IGF1R: variants seen among roughly 807,000 people sequenced by gnomAD.
IGF1R encodes insulin like growth factor 1 receptor, also known as insulin-like growth factor 1 receptor.
Under a neutral mutation model 144.6 loss-of-function variants are expected in IGF1R, and 44 were observed. The observed-to-expected ratio is 0.30, with a 90% CI of 0.24 to 0.39. The LOEUF (loss-of-function observed/expected upper bound fraction) is 0.39, where lower values mean the gene tolerates loss of function less well. IGF1R is among the 10% of genes least tolerant of loss of function. The probability of loss-of-function intolerance (pLI) is 1.00; values close to 1 mark genes in which losing one functional copy is unlikely to be tolerated. For synonymous variants in IGF1R, 795 were observed against 722.8 expected (o/e 1.10, Z -1.60); for missense variants, 1,355 against 1,833.7 (o/e 0.74, Z 4.77).
intron 2 of IGF1R, among the ~76,000 whole-genome samples, chr15:98,889,841 G>T (rs1048083415): frequency 6.6e-6 from 1 of 152,080 alleles, no homozygotes; most frequent in African/African-American, 2.4e-5. Flanking sequence ...ACTCAATATT[G>T]CATGTCAGAG....
At position 98,899,549 on chromosome 15, in the gene IGF1R, A is replaced by G. The variant is rs772903411; in HGVS notation, c.1175A>G (p.His392Arg). ...EVVTGYVKIRHSHALVSLSFL... is the reference protein window; with the variant it reads ...EVVTGYVKIRRSHALVSLSFL... ...GTGACGGGCTACGTGAAGATCCGCC[A>G]TTCTCATGCCTTGGTCTCCTTGTCC... is the stretch of plus-strand genomic sequence containing the variant. Residue 392 changes from histidine (H) to arginine (R), a missense_variant, in exon 5 of 21, where the codon CAT becomes CGT. His to Arg is a conservative substitution (Grantham distance 29). Transcript: ENST00000650285. 6.2e-7 allele frequency: 1 copy of G among 1,614,188 alleles called. No homozygotes were observed. Among genetic ancestry groups the G allele is most frequent in the Non-Finnish European group, 8.5e-7 (1 of 1,180,012 alleles).
chr15:98,649,664 C>T lies in IGF1R; in HGVS notation c.83C>T (p.Thr28Met). 2 of 1,610,062 alleles carry T rather than the reference C, an allele frequency of 1.2e-6. No individual in the cohort carries two copies. Among genetic ancestry groups the T allele is most frequent in the Non-Finnish European group, 1.7e-6 (2 of 1,178,230 alleles). ...FLSAALSLWPTSGEICGPGID... is the reference protein window; with the variant it reads ...FLSAALSLWPMSGEICGPGID... ...TCCGCCGCGCTCTCGCTCTGGCCGA[C>T]GAGTGGAGAAAGTGAGTATGTGCCC... Residue 28 changes from threonine to methionine, a missense_variant, in exon 1 of 21, where the codon ACG becomes ATG. Physicochemically the swap from Thr to Met is moderately conservative, Grantham distance 81. Transcript: ENST00000650285.
chr15:98,878,689 A>AAAAAAAC (rs2013198345), intron 2 of IGF1R, among the ~76,000 whole-genome samples: 1 of 140,066 alleles, frequency 7.1e-6, no homozygotes, highest in African/African-American at 3.0e-5. Context: ...AAAAAAAAAA[A>AAAAAAAC]AAAAAACAAC....
chr15:98,956,722 TA>T, intron 20 of IGF1R, among the ~76,000 whole-genome samples: 1 of 152,344 alleles, frequency 6.6e-6, no homozygotes, highest in South Asian at 2.1e-4. Flanking sequence ...GAAAACTGGT[TA>T]TTTTTGTTTC....
chr15:98,787,533 G>T (rs543289017), intron 2 of IGF1R, among the ~76,000 whole-genome samples: 78 of 152,174 alleles, frequency 5.1e-4, no homozygotes, highest in African/African-American at 1.8e-3. Context: ...AGAAATGTTG[G>T]ACCTTTGGGA....
chr15:98,954,786 C>A (rs967765045), intron 20 of IGF1R, among the ~76,000 whole-genome samples: 2 of 152,120 alleles, frequency 1.3e-5, no homozygotes, highest in Non-Finnish European at 2.9e-5. Context: ...ATTTTTTTAA[C>A]CCCAATCATT....
intron 1 of IGF1R, among the ~76,000 whole-genome samples, chr15:98,666,572 A>G (rs558548989): frequency 9.2e-5 from 14 of 152,386 alleles, no homozygotes; most frequent in Middle Eastern, 3.4e-3. Flanking sequence ...AGGAAATTCT[A>G]TGATGTGCTA....
At chr15:98,796,757 G>A (rs1269148684) in intron 2 of IGF1R, among the ~76,000 whole-genome samples, 3 of 152,190 alleles carry the variant, frequency 2.0e-5, no homozygotes, top group South Asian at 4.1e-4. Context: ...ACACGGACAC[G>A]AATATAAGCT....
Position 98,962,286 on chromosome 15 carries a change from G to A in IGF1R, c.*4844G>A, listed in dbSNP as rs952233854. 15 of 233,344 alleles carry A rather than the reference G, an allele frequency of 6.4e-5. No homozygotes were observed. The highest frequency in any genetic ancestry group is 1.2e-4 in the Non-Finnish European group (14 of 118,160). 14.5% of individuals were successfully genotyped at this position (233,344 alleles called of 1,614,324 possible). Reference sequence around the variant, plus strand: ...TGGTATGCCTTGGCCCATTCCAGCAGTCCCAGTTATGCATTTCAAGTTTGG... The same window carrying A: ...TGGTATGCCTTGGCCCATTCCAGCAATCCCAGTTATGCATTTCAAGTTTGG... On this transcript the variant is annotated 3_prime_UTR_variant, in exon 21 of 21. Coordinates refer to ENST00000650285, the MANE Select transcript of IGF1R (RefSeq NM_000875.5).
At position 98,935,211 on chromosome 15, in the gene IGF1R, T is replaced by A; in HGVS notation, c.3187-105T>A. The A allele has an allele frequency of 4.1e-6, 4 of 986,428 alleles. No individual in the cohort carries two copies. The highest frequency in any genetic ancestry group is 6.3e-6 in the Non-Finnish European group (4 of 632,260). The allele number at this position is 986,428 out of a possible 1,614,324, so 61.1% of individuals were successfully genotyped here. A position where few individuals can be genotyped will look rare whatever the true frequency, so the allele number is the denominator to read the frequency against. The stretch of plus-strand genomic sequence containing the variant: ...TACCTCACTGCTACCTTCAGACCCC[T>A]GTGCTCAGACCAGGCCGCAGCACCA... On this transcript the variant is annotated intron_variant, in intron 16 of 20. Transcript: ENST00000650285. This position sits in a 1 kb window ranked among gnomAD's most constrained non-coding sequence, Gnocchi z 4.2.
chr15:98,837,332 T>C (rs2011106507), intron 2 of IGF1R, among the ~76,000 whole-genome samples: 1 of 152,084 alleles, frequency 6.6e-6, no homozygotes, highest in Non-Finnish European at 1.5e-5. Flanking sequence ...TCCAACTCCC[T>C]GGTTCAAGCA....
chr15:98,649,415 C>G lies in IGF1R; in HGVS notation c.-167C>G. The G allele has an allele frequency of 2.4e-6, 1 of 423,398 alleles. No individual in the cohort carries two copies. The highest frequency in any genetic ancestry group is 4.0e-6 in the Non-Finnish European group (1 of 249,250). The allele number at this position is 423,398 out of a possible 1,614,324, so 26.2% of individuals were successfully genotyped here. On this transcript the variant is annotated 5_prime_UTR_variant, in exon 1 of 21. Transcript: ENST00000650285. ...GCCCCGTCCGCGCACCCGGAGGGCC[C>G]CGGCGGCGCCGCCTTCGGAGTATTG...
Position 98,957,694 on chromosome 15 carries a change from T to C in IGF1R, c.*252T>C. 1.7e-6 allele frequency: 1 copy of C among 576,504 alleles called. No homozygotes were observed. Among genetic ancestry groups the C allele is most frequent in the Non-Finnish European group, 3.1e-6 (1 of 322,536 alleles). 35.7% of individuals were successfully genotyped at this position (576,504 alleles called of 1,614,324 possible). On this transcript the variant is annotated 3_prime_UTR_variant, in exon 21 of 21. Coordinates refer to ENST00000650285, the MANE Select transcript of IGF1R (RefSeq NM_000875.5). Reference sequence around the variant, plus strand: ...TGACATGGGCCTTTAAGAACCTTAATGACAACACTTAATAGCAACAGAGCA... The same window carrying C: ...TGACATGGGCCTTTAAGAACCTTAACGACAACACTTAATAGCAACAGAGCA...
chr15:98,681,128 T>G (rs2053178787), intron 1 of IGF1R, among the ~76,000 whole-genome samples: 1 of 152,218 alleles, frequency 6.6e-6, no homozygotes. Context: ...TTTCTTAGAA[T>G]GCATCCCTGT....
intron 2 of IGF1R, among the ~76,000 whole-genome samples, chr15:98,710,697 G>T (rs13379678): frequency 0.042 from 5,821 of 139,366 alleles, 402 homozygotes; most frequent in African/African-American, 0.15. Context: ...GCGGAGTTTC[G>T]CTCTCATCAC....
At chr15:98,654,231 A>G (rs2052435654) in intron 1 of IGF1R, among the ~76,000 whole-genome samples, 1 of 152,188 alleles carries the variant, frequency 6.6e-6, no homozygotes. Context: ...AGACTGTGAC[A>G]TACAGGTGAT....
At chr15:98,821,521 AG>A (rs148876620) in intron 2 of IGF1R, among the ~76,000 whole-genome samples, 3,712 of 152,304 alleles carry the variant, frequency 0.024, 159 homozygotes, top group African/African-American at 0.084. Context: ...TCGAAGGGGA[AG>A]GGGTGGCTTG....
chr15:98,654,144 GTGT>G (rs1354482170), intron 1 of IGF1R, among the ~76,000 whole-genome samples: 1 of 152,176 alleles, frequency 6.6e-6, no homozygotes, highest in Non-Finnish European at 1.5e-5. Context: ...TAGGACTCTA[GTGT>G]TGTTCATCAG....
intron 1 of IGF1R, among the ~76,000 whole-genome samples, chr15:98,698,966 G>T (rs1201147030): frequency 6.6e-6 from 1 of 152,242 alleles, no homozygotes; most frequent in African/African-American, 2.4e-5. Flanking sequence ...AAATGAGGAT[G>T]TGAACTGTAA....
Sources: allele counts gnomAD v4.1 joint callset (sites outside exome capture counted in the v4.1 genomes callset), GRCh38; gene constraint gnomAD v4.1.1; non-coding constraint Gnocchi (gnomAD v3.1); transcripts MANE v1.5; gene names NCBI Gene and HGNC (gene_info 2026-07-23, HGNC 2026-07-21).